The following SMARCD3 variants were observed in gnomAD, a reference collection of about 807,000 sequenced individuals.
The protein encoded by SMARCD3 is SWI/SNF-related matrix-associated actin-dependent regulator of chromatin subfamily D member 3.
Under a neutral mutation model 58.0 loss-of-function variants are expected in SMARCD3, and 14 were observed. The observed-to-expected ratio is 0.24, with a 90% confidence interval of 0.16 to 0.38. The LOEUF is 0.38. SMARCD3 is among the 10% of genes least tolerant of loss of function. The pLI, the probability that SMARCD3 is intolerant of heterozygous loss-of-function variation, is 1.00. For synonymous variants in SMARCD3, 253 were observed against 253.8 expected (o/e 1.00, Z 0.03); for missense variants, 408 against 636.9 (o/e 0.64, Z 3.87).
chr7:151,247,426 C>T (rs999795547), intron 1 of SMARCD3, among the ~76,000 whole-genome samples: 1 of 152,056 alleles, frequency 6.6e-6, no homozygotes. Context: ...AGCTGCTCTC[C>T]CCAGTTATCA....
chr7:151,253,487 T>C (rs908399487), upstream of SMARCD3, among the ~76,000 whole-genome samples: 2 of 152,144 alleles, frequency 1.3e-5, no homozygotes, highest in African/African-American at 2.4e-5. Context: ...GAGGCCTCCT[T>C]CCTCTCTTTG....
In SMARCD3 at chr7:151,242,739, A is replaced by C. The variant is rs759912021; in HGVS notation, c.438T>G (p.Ala146=). The C allele has an allele frequency of 1.9e-6, 3 of 1,613,884 alleles. No homozygotes were observed. The East Asian group carries it at 6.7e-5, about 36-fold the overall frequency. ...IMRKRVDIQE[A]LKRPMKQKRK... Reference sequence around the variant, plus strand: ...AAGGCACCTTCATGGGCCTCTTCAGAGCCTCCTGGATGTCCACCCGCTTCC... The same window carrying C: ...AAGGCACCTTCATGGGCCTCTTCAGCGCCTCCTGGATGTCCACCCGCTTCC... Residue 146 remains alanine, a synonymous_variant, in exon 4 of 13, where the codon GCT becomes GCG. Transcript: ENST00000262188. This position sits in a 1 kb window ranked among gnomAD's most constrained non-coding sequence, Gnocchi z 4.7.
intron 2 of SMARCD3, among the ~76,000 whole-genome samples, chr7:151,273,337 C>G (rs1795236495): frequency 6.6e-6 from 1 of 152,176 alleles, no homozygotes; most frequent in African/African-American, 2.4e-5. Flanking sequence ...CAGGAAAGGT[C>G]TGGAACAGCC....
At chr7:151,249,821 C>A (rs1485740317), upstream of SMARCD3, among the ~76,000 whole-genome samples, 1 of 151,752 alleles carries the variant, frequency 6.6e-6, no homozygotes, top group Non-Finnish European at 1.5e-5. The surrounding 1 kb of genome is among the most constrained non-coding windows in gnomAD (Gnocchi z 4.8). Flanking sequence ...GTTGGCAGTC[C>A]CTGGAGTGGA....
Position 151,243,138 on chromosome 7 carries a change from C to T in SMARCD3, c.334-295G>A, listed in dbSNP as rs191825532. Among the ~76,000 whole-genome samples, 70 of 152,286 alleles carry T rather than the reference C, an allele frequency of 4.6e-4. No individual in the cohort carries two copies. The highest frequency in any genetic ancestry group is 1.5e-3 in the African/African-American group (64 of 41,560). On this transcript the variant is annotated intron_variant, in intron 3 of 12. Transcript: ENST00000262188. This position sits in a 1 kb window ranked among gnomAD's most constrained non-coding sequence, Gnocchi z 4.4. ...TCAGCAAGCACTAGCCTTTAGTCTC[C>T]TCATCTTGTCATTGTCCATATCATA...
At position 151,242,921 on chromosome 7, in the gene SMARCD3, T is replaced by A; in HGVS notation, c.334-78A>T. The A allele has an allele frequency of 6.4e-7, 1 of 1,553,260 alleles. No individual in the cohort carries two copies. On this transcript the variant is annotated intron_variant, in intron 3 of 12. Transcript: ENST00000262188. The surrounding 1 kb of genome is among the most constrained non-coding windows in gnomAD (Gnocchi z 4.7). Reference sequence around the variant, plus strand: ...CATGGAATGTATGCATGTTGTGCAATCCTAGGGTACAAAAGATGTCAGGGG... The same window carrying A: ...CATGGAATGTATGCATGTTGTGCAAACCTAGGGTACAAAAGATGTCAGGGG...
chr7:151,240,480 G>A lies in SMARCD3; in HGVS notation c.982C>T (p.Arg328Cys), dbSNP rs755388815. The change falls in exon 9 of 13, where the codon CGC (arginine) becomes TGC (cysteine). Residue 328 changes from arginine (R) to cysteine (C), a missense_variant. Around this residue, in one of 4 missense-constraint regions of SMARCD3, gnomAD observed 115 missense variants for 257.2 expected, o/e 0.45. Coordinates refer to ENST00000262188, the MANE Select transcript of SMARCD3 (RefSeq NM_001003801.2). ...PRLKFSEIPQ[R>C]LTALLLPPDP... ...GGGGGCAATAGCAGGGCTGTGAGGC[G>A]CTGGGGAATCTCAGAAAACTTCAGC... The A allele has an allele frequency of 3.6e-5, 58 of 1,613,750 alleles. No individual in the cohort carries two copies. The highest frequency in any genetic ancestry group is 2.0e-5 in the Non-Finnish European group (24 of 1,179,976).
rs995545685 is a variant in SMARCD3 at position 151,239,607 on chromosome 7, T to C, written c.1296+17A>G. 3.1e-6 allele frequency: 5 copies of C among 1,613,914 alleles called. No homozygotes were observed. The highest frequency in any genetic ancestry group is 3.3e-5 in the Admixed American group (2 of 59,998). On this transcript the variant is annotated intron_variant, in intron 11 of 12. Coordinates refer to ENST00000262188, the MANE Select transcript of SMARCD3 (RefSeq NM_001003801.2). The surrounding 1 kb of genome is among the most constrained non-coding windows in gnomAD (Gnocchi z 7.0). The stretch of plus-strand genomic sequence containing the variant: ...GCTTGTCTTCCACTCCAGTACTCCC[T>C]GAGTCTCCCTCTTCACCTTGAGGTC...
At chr7:151,256,603 G>A (rs577581769) in intron 2 of SMARCD3, among the ~76,000 whole-genome samples, 74 of 152,220 alleles carry the variant, frequency 4.9e-4, no homozygotes, top group African/African-American at 1.7e-3. Flanking sequence ...GATTCGGCAC[G>A]AGCTCAGCTG....
chr7:151,261,368 C>T (rs546974182), intron 2 of SMARCD3, among the ~76,000 whole-genome samples: 1 of 152,256 alleles, frequency 6.6e-6, no homozygotes, highest in South Asian at 2.1e-4. Flanking sequence ...TGAAATTGCC[C>T]CAGGGTTGAG....
intron 2 of SMARCD3, among the ~76,000 whole-genome samples, chr7:151,274,106 C>G (rs1295007261): frequency 3.3e-5 from 5 of 152,274 alleles, no homozygotes; most frequent in Non-Finnish European, 5.9e-5. Context: ...TGCTCTGAGG[C>G]CTGTGTGGTC....
rs558234297 is a variant in SMARCD3 at position 151,244,715 on chromosome 7, AAAT to A, written c.290+742_290+744del. On this transcript the variant is annotated intron_variant, in intron 2 of 12. Transcript: ENST00000262188. ...GGTGATTTTTTCCCCGATGTGTAAA[AAAT>A]AATAATGAGGTAAAATTGATATTAC... Among the ~76,000 whole-genome samples the A allele has an allele frequency of 7.2e-4, 110 of 152,348 alleles. 1 individual carries two copies. The South Asian group carries it at 0.013, about 19-fold the overall frequency.
Position 151,243,690 on chromosome 7 carries a change from C to G in SMARCD3, c.302G>C (p.Arg101Thr). 1 of 1,611,338 alleles carries G rather than the reference C, an allele frequency of 6.2e-7. No individual in the cohort carries two copies. The highest frequency in any genetic ancestry group is 1.7e-4 in the Middle Eastern group (1 of 6,050). Reference protein sequence around the residue: ...APARSRSAKRRKMADKILPQR... With the variant: ...APARSRSAKRTKMADKILPQR... ...AGGGAGGATTTTGTCAGCCATCTTC[C>G]TCCTCTTGGCACTGTACATTTTTTA... The change falls in exon 3 of 13, where the codon AGG (arginine) becomes ACG (threonine). Residue 101 changes from arginine (R) to threonine (T), a missense_variant. Physicochemically the swap from Arg to Thr is moderately conservative, Grantham distance 71 (BLOSUM62 -1). Coordinates refer to ENST00000262188, the MANE Select transcript of SMARCD3 (RefSeq NM_001003801.2). The surrounding 1 kb of genome is among the most constrained non-coding windows in gnomAD (Gnocchi z 4.4).
At position 151,275,220 on chromosome 7, in the gene SMARCD3, G is replaced by A. The variant is rs543581030; in HGVS notation, c.-68C>T. ...TCGGTGCCTGGGCCCGGAGCCCACC[G>A]CGCCTGCAGCACCAAGGGCCATTCT... On this transcript the variant is annotated 5_prime_UTR_variant, in exon 2 of 14. Transcript: ENST00000356800. 86 of 1,365,162 alleles carry A rather than the reference G, an allele frequency of 6.3e-5. 1 individual carries two copies. The South Asian group carries it at 8.9e-4, about 14-fold the overall frequency. 84.6% of individuals were successfully genotyped at this position (1,365,162 alleles called of 1,614,324 possible). A position where few individuals can be genotyped will look rare whatever the true frequency, so the allele number is the denominator to read the frequency against.
chr7:151,252,694 C>T (rs1442476815), upstream of SMARCD3, among the ~76,000 whole-genome samples: 2 of 150,376 alleles, frequency 1.3e-5, no homozygotes, highest in Non-Finnish European at 3.0e-5. Flanking sequence ...ACTACCTCAA[C>T]CCCCGCCTCT....
chr7:151,267,073 C>T (rs905625750), intron 2 of SMARCD3, among the ~76,000 whole-genome samples: 4 of 152,176 alleles, frequency 2.6e-5, no homozygotes, highest in Non-Finnish European at 4.4e-5. Context: ...TCCCACTCCC[C>T]GTCCTGCCAA....
In SMARCD3 at chr7:151,239,261, G is replaced by A; in HGVS notation, c.1399-105C>T. 10 of 1,393,782 alleles carry A rather than the reference G, an allele frequency of 7.2e-6. No individual in the cohort carries two copies. Among genetic ancestry groups the A allele is most frequent in the Non-Finnish European group, 1.0e-5 (10 of 980,744 alleles). 86.3% of individuals were successfully genotyped at this position (1,393,782 alleles called of 1,614,324 possible). ...GCCCTGAAAGAGCATCTGGGAGCAG[G>A]GAGGGCCATTGCATGGTGAGGCAGC... is the stretch of plus-strand genomic sequence containing the variant. On this transcript the variant is annotated intron_variant, in intron 12 of 12. Coordinates refer to ENST00000262188, the MANE Select transcript of SMARCD3 (RefSeq NM_001003801.2). This position sits in a 1 kb window ranked among gnomAD's most constrained non-coding sequence, Gnocchi z 7.0.
chr7:151,252,847 C>T (rs888891071), upstream of SMARCD3, among the ~76,000 whole-genome samples: 1 of 152,184 alleles, frequency 6.6e-6, no homozygotes, highest in African/African-American at 2.4e-5. Flanking sequence ...GTTTCTGTAC[C>T]CCCGACACTC....
intron 2 of SMARCD3, among the ~76,000 whole-genome samples, chr7:151,268,089 G>A (rs561623814): frequency 6.6e-6 from 1 of 152,332 alleles, no homozygotes; most frequent in East Asian, 1.9e-4. Flanking sequence ...CTGGGGGATA[G>A]AAGGGAGGAC....
Sources: gnomAD v4.1 joint callset for allele counts (sites outside exome capture counted in the v4.1 genomes callset) on GRCh38, gnomAD v4.1.1 for gene constraint, gnomAD v4.1.1 regional missense constraint, Gnocchi (gnomAD v3.1) non-coding constraint, MANE v1.5 for transcripts, NCBI Gene and HGNC (gene_info 2026-07-23, HGNC 2026-07-21) for gene names.